Variants in VGLL4 observed in about 807,000 individuals in gnomAD.
VGLL4 encodes vestigial like family member 4.
Under a neutral mutation model 21.0 loss-of-function variants are expected in VGLL4, and 7 were observed. That is an observed-to-expected ratio of 0.33 (90% CI 0.19 to 0.63). The LOEUF is 0.63. VGLL4 is among the 20% of genes least tolerant of loss of function. The pLI is 0.78. For synonymous variants in VGLL4, 222 were observed against 173.2 expected, an observed-to-expected ratio of 1.28 and a Z score of -2.21; for missense variants, 394 against 425.7, an observed-to-expected ratio of 0.93 and a Z score of 0.66.
At chr3:11,709,435 T>TCAAAAAAAAAAAAAAAAAAAAA (rs1228813940) in intron 1 of VGLL4, among the ~76,000 whole-genome samples, 4 of 108,834 alleles carry the variant, frequency 3.7e-5, no homozygotes, top group African/African-American at 1.3e-4. Context: ...AGACTCCGTC[T>TCAAAAAAAAAAAAAAAAAAAAA]AAAAAAAAAA....
At chr3:11,688,977 G>A (rs955465364) in intron 2 of VGLL4, among the ~76,000 whole-genome samples, 2 of 151,876 alleles carry the variant, frequency 1.3e-5, no homozygotes, top group African/African-American at 2.4e-5. Flanking sequence ...AGCCAGTATC[G>A]TGACACTACA....
chr3:11,560,287 C>G (rs1167902462), intron 3 of VGLL4, among the ~76,000 whole-genome samples: 1 of 152,184 alleles, frequency 6.6e-6, no homozygotes, highest in African/African-American at 2.4e-5. Flanking sequence ...GAACCTGGGA[C>G]AGAAAATATT....
chr3:11,677,300 C>A (rs2076305211), intron 2 of VGLL4, among the ~76,000 whole-genome samples: 1 of 149,970 alleles, frequency 6.7e-6, no homozygotes, highest in South Asian at 2.1e-4. Context: ...TTGACAGGGT[C>A]TCACGCTGTC....
At chr3:11,708,144 T>C (rs1446720879) in intron 1 of VGLL4, among the ~76,000 whole-genome samples, 1 of 152,182 alleles carries the variant, frequency 6.6e-6, no homozygotes. Flanking sequence ...AATGGAGATA[T>C]TAATATTACC....
At chr3:11,574,785 A>ATGTATGTGTGTG (rs1553723624) in intron 2 of VGLL4, among the ~76,000 whole-genome samples, 29 of 121,782 alleles carry the variant, frequency 2.4e-4, no homozygotes, top group African/African-American at 9.2e-4. Flanking sequence ...TCAACTATAT[A>ATGTATGTGTGTG]TGTGTGTGTG....
rs1273980497 is a variant in VGLL4 at position 11,682,428 on chromosome 3, A to T, written c.64+20543T>A. Among the ~76,000 whole-genome samples, 12 of 129,034 alleles carry T rather than the reference A, an allele frequency of 9.3e-5. No homozygotes were observed. In the Admixed American group the frequency reaches 9.5e-4, roughly 10 times the overall value. 84.7% of individuals were successfully genotyped at this position (129,034 alleles called of 152,430 possible). On this transcript the variant is annotated intron_variant, in intron 2 of 5. Coordinates refer to the VGLL4 transcript ENST00000273038. ...TCAAAAAAAAAAAAAAAAAAAAAAA[A>T]ATAGGCAGGTGTGGTGGTGGGCACC...
intron 1 of VGLL4, among the ~76,000 whole-genome samples, chr3:11,609,459 T>C (rs1002197819): frequency 2.6e-5 from 4 of 152,230 alleles, no homozygotes; most frequent in African/African-American, 7.2e-5. Context: ...ACTCTTCTAG[T>C]TCTCAAAGTT....
chr3:11,639,317 G>C lies in VGLL4; in HGVS notation c.82+4120C>G, dbSNP rs550781351. Reference sequence around the variant, plus strand: ...CACGCAGGCCTCCTCCTCTGCACAGGCAGACAAAAGGAAAGCAAGCCCAGT... The same window carrying C: ...CACGCAGGCCTCCTCCTCTGCACAGCCAGACAAAAGGAAAGCAAGCCCAGT... On this transcript the variant is annotated intron_variant, in intron 1 of 4. Coordinates refer to ENST00000430365, the MANE Select transcript of VGLL4 (RefSeq NM_001128219.3). 9.2e-5 allele frequency among the ~76,000 whole-genome samples: 14 copies of C among 152,360 alleles called. No homozygotes were observed. In the East Asian group the frequency reaches 2.3e-3, roughly 25 times the overall value.
At chr3:11,666,309 G>A (rs1212673052) in intron 2 of VGLL4, among the ~76,000 whole-genome samples, 4 of 151,458 alleles carry the variant, frequency 2.6e-5, no homozygotes, top group African/African-American at 4.9e-5. Context: ...CAAAGGCCCC[G>A]AGGCAGGAGG....
At chr3:11,654,679 G>T (rs576504791) in intron 2 of VGLL4, among the ~76,000 whole-genome samples, 5 of 152,150 alleles carry the variant, frequency 3.3e-5, no homozygotes, top group Non-Finnish European at 7.4e-5. Flanking sequence ...ATCACACGGT[G>T]ATCTCTTTGA....
At chr3:11,593,814 G>GCC (rs886619239) in intron 2 of VGLL4, among the ~76,000 whole-genome samples, 4 of 152,150 alleles carry the variant, frequency 2.6e-5, no homozygotes, top group Non-Finnish European at 5.9e-5. Flanking sequence ...TGTTTCAAAG[G>GCC]CCCCCCATCA....
At chr3:11,574,814 T>A (rs1309289310) in intron 2 of VGLL4, among the ~76,000 whole-genome samples, 1 of 150,886 alleles carries the variant, frequency 6.6e-6, no homozygotes, top group African/African-American at 2.4e-5. Context: ...TGTGTGTGTG[T>A]GTGTGTGTGT....
Position 11,565,110 on chromosome 3 carries a change from A to G in VGLL4, c.273-91T>C, listed in dbSNP as rs574594879. 3.2e-6 allele frequency: 4 copies of G among 1,237,252 alleles called. No individual in the cohort carries two copies. In the South Asian group the frequency reaches 8.4e-5, roughly 26 times the overall value. 76.6% of individuals were successfully genotyped at this position (1,237,252 alleles called of 1,614,324 possible). A position where few individuals can be genotyped will look rare whatever the true frequency, so the allele number is the denominator to read the frequency against. On this transcript the variant is annotated intron_variant, in intron 2 of 4. Transcript: ENST00000430365. The surrounding 1 kb of genome is among the most constrained non-coding windows in gnomAD (Gnocchi z 4.1). ...CCAGGCACTCCGTGTTGCTTATTTA[A>G]TTTTTTACCCTGAAGCTCAGGTCGT... is the stretch of plus-strand genomic sequence containing the variant.
chr3:11,574,419 A>C (rs1575400095), intron 2 of VGLL4, among the ~76,000 whole-genome samples: 1 of 152,298 alleles, frequency 6.6e-6, no homozygotes, highest in South Asian at 2.1e-4. Context: ...GTCCAAACAG[A>C]GACCAGAGCT....
intron 1 of VGLL4, among the ~76,000 whole-genome samples, chr3:11,640,430 G>T (rs985264298): frequency 1.3e-5 from 2 of 152,194 alleles, no homozygotes; most frequent in African/African-American, 2.4e-5. Flanking sequence ...ATTCAGTGGG[G>T]TGATGGACGC....
chr3:11,629,204 A>G (rs1337581767), intron 1 of VGLL4, among the ~76,000 whole-genome samples: 2 of 152,226 alleles, frequency 1.3e-5, no homozygotes, highest in Non-Finnish European at 2.9e-5. Flanking sequence ...GACTGAAATC[A>G]ATAGTGCAAT....
chr3:11,629,970 A>G (rs2075441282), intron 1 of VGLL4, among the ~76,000 whole-genome samples: 2 of 151,964 alleles, frequency 1.3e-5, no homozygotes, highest in Admixed American at 1.3e-4. Context: ...ATACTAAGCT[A>G]AAGGAAAGTG....
At chr3:11,692,533 T>C (rs1366624376) in intron 2 of VGLL4, among the ~76,000 whole-genome samples, 3 of 152,154 alleles carry the variant, frequency 2.0e-5, no homozygotes, top group African/African-American at 4.8e-5. Flanking sequence ...GAAACATCAG[T>C]GCTTATTTTA....
At chr3:11,698,847 G>C (rs143016111) in intron 2 of VGLL4, among the ~76,000 whole-genome samples, 1 of 152,046 alleles carries the variant, frequency 6.6e-6, no homozygotes, top group African/African-American at 2.4e-5. Context: ...ATACTATCAG[G>C]TATTATAGAC....
Sources: allele counts gnomAD v4.1 joint callset (sites outside exome capture counted in the v4.1 genomes callset), GRCh38; gene constraint gnomAD v4.1.1; non-coding constraint Gnocchi (gnomAD v3.1); transcripts MANE v1.5; gene names NCBI Gene and HGNC (gene_info 2026-07-23, HGNC 2026-07-21).